Variants in RCOR1 observed in about 807,000 individuals in gnomAD.
RCOR1 encodes the protein REST corepressor.
In RCOR1, 12 loss-of-function variants were observed where a neutral mutation model predicts 64.0. The ratio of observed to expected loss-of-function variants is 0.19; its 90% CI spans 0.12 to 0.30. RCOR1 has a LOEUF of 0.30. Ranked by LOEUF, RCOR1 falls within the 10% of genes least tolerant of loss-of-function variation. The pLI is 1.00. For missense variants in RCOR1, 502 were observed against 621.2 expected (o/e 0.81, Z 2.04); for synonymous variants, 279 against 227.2 (o/e 1.23, Z -2.05).
chr14:102,712,452 A>G (rs939843057), intron 7 of RCOR1, among the ~76,000 whole-genome samples: 56 of 152,036 alleles, frequency 3.7e-4, no homozygotes, highest in African/African-American at 1.9e-4. Flanking sequence ...ACGTAGCTAT[A>G]TATTATTCTG....
chr14:102,655,196 A>T (rs1343318361), intron 2 of RCOR1: 1 of 947,046 alleles, frequency 1.1e-6, no homozygotes. Flanking sequence ...AAATTAAAAG[A>T]TGCAAAAGGG....
chr14:102,630,689 C>T (rs764226142), intron 2 of RCOR1, among the ~76,000 whole-genome samples: 2 of 152,172 alleles, frequency 1.3e-5, no homozygotes, highest in African/African-American at 2.4e-5. Context: ...ACTGTCACCA[C>T]GAAGGAGCTT....
chr14:102,673,527 G>A (rs1895073656), intron 2 of RCOR1, among the ~76,000 whole-genome samples: 1 of 151,794 alleles, frequency 6.6e-6, no homozygotes, highest in Non-Finnish European at 1.5e-5. Context: ...AGTAGAGACG[G>A]GGTTTCACTG....
chr14:102,653,747 C>T (rs927455025), intron 2 of RCOR1, among the ~76,000 whole-genome samples: 1 of 151,924 alleles, frequency 6.6e-6, no homozygotes. Context: ...CCTCCTCTGG[C>T]CATGTTATAT....
rs1896284057 is a variant in RCOR1 at position 102,727,182 on chromosome 14, T to C, written c.*676T>C. On this transcript the variant is annotated 3_prime_UTR_variant, in exon 12 of 12. Transcript: ENST00000262241. ...AAAGATCATTTACTGCAACTGTCGT[T>C]GGACACTGTAGCTTAAAGGGAACGT... The C allele has an allele frequency of 1.3e-5, 2 of 152,218 alleles. No homozygotes were observed. Among genetic ancestry groups the C allele is most frequent in the African/African-American group, 2.4e-5 (1 of 41,426 alleles). The allele number at this position is 152,218 out of a possible 1,614,324, so 9.4% of individuals were successfully genotyped here. A position where few individuals can be genotyped will look rare whatever the true frequency, so the allele number is the denominator to read the frequency against.
intron 2 of RCOR1, among the ~76,000 whole-genome samples, chr14:102,653,740 C>T (rs1894642762): frequency 1.3e-5 from 2 of 151,944 alleles, no homozygotes; most frequent in Admixed American, 1.3e-4. Context: ...TCTTGCTCCT[C>T]CTCTGGCCAT....
At chr14:102,680,346 C>T (rs1895278845) in intron 2 of RCOR1, among the ~76,000 whole-genome samples, 1 of 152,030 alleles carries the variant, frequency 6.6e-6, no homozygotes, top group Non-Finnish European at 1.5e-5. Flanking sequence ...CTGTGGATGC[C>T]TTTATTTTTG....
intron 2 of RCOR1, among the ~76,000 whole-genome samples, chr14:102,654,093 C>G (rs1894671615): frequency 6.7e-6 from 1 of 149,066 alleles, no homozygotes; most frequent in Non-Finnish European, 1.5e-5. Flanking sequence ...TCACGCCATT[C>G]TCCTGCCTCA....
chr14:102,693,157 TGAAAA>T (rs1278554591), intron 3 of RCOR1, among the ~76,000 whole-genome samples: 3 of 152,154 alleles, frequency 2.0e-5, no homozygotes, highest in Non-Finnish European at 2.9e-5. Flanking sequence ...TCTCCCCAGT[TGAAAA>T]GAAAGCCCTC....
At chr14:102,671,133 GT>G (rs1234925353) in intron 2 of RCOR1, among the ~76,000 whole-genome samples, 1 of 152,212 alleles carries the variant, frequency 6.6e-6, no homozygotes. Context: ...AGTTCTCATT[GT>G]TTTCGCTTCC....
chr14:102,669,892 A>G (rs1595221635), intron 2 of RCOR1, among the ~76,000 whole-genome samples: 1 of 152,196 alleles, frequency 6.6e-6, no homozygotes, highest in Admixed American at 6.5e-5. Flanking sequence ...AAATTTACTC[A>G]TGCGTAGCAT....
Position 102,728,143 on chromosome 14 carries a change from C to T in RCOR1, c.*1637C>T, listed in dbSNP as rs911836321. On this transcript the variant is annotated 3_prime_UTR_variant, in exon 12 of 12. Transcript: ENST00000262241. Reference sequence around the variant, plus strand: ...ATTTTCTCTTTAGAAAGAGGGTCAGCTAGAAACCTAGGTTTTTTGGAATTG... The same window carrying T: ...ATTTTCTCTTTAGAAAGAGGGTCAGTTAGAAACCTAGGTTTTTTGGAATTG... 12 of 152,452 alleles carry T rather than the reference C, an allele frequency of 7.9e-5. No individual in the cohort carries two copies. The highest frequency in any genetic ancestry group is 7.9e-4 in the Admixed American group (12 of 15,262). The allele number at this position is 152,452 out of a possible 1,614,324, so 9.4% of individuals were successfully genotyped here.
Position 102,708,529 on chromosome 14 carries a change from A to G in RCOR1, c.725A>G (p.Lys242Arg), listed in dbSNP as rs752611189. Residue 242 changes from lysine (K) to arginine (R), a missense_variant, in exon 6 of 12, where the codon AAA becomes AGA. Coordinates refer to ENST00000262241, the MANE Select transcript of RCOR1 (RefSeq NM_015156.4). ...TATTCTTGGAAGAAGACGAGGACTA[A>G]AACTAGTGTGATGGATCGCCATGCC... is the stretch of plus-strand genomic sequence containing the variant. ...FYYSWKKTRT[K>R]TSVMDRHARK... 1 of 1,613,084 alleles carries G rather than the reference A, an allele frequency of 6.2e-7. No individual in the cohort carries two copies. The highest frequency in any genetic ancestry group is 2.2e-5 in the East Asian group (1 of 44,850).
intron 2 of RCOR1, among the ~76,000 whole-genome samples, chr14:102,650,119 AC>A (rs1894554575): frequency 6.6e-6 from 1 of 150,468 alleles, no homozygotes; most frequent in East Asian, 2.0e-4. Context: ...AATGGTGTGA[AC>A]CTGGGAGGTG....
At chr14:102,648,171 C>T (rs1192376085) in intron 2 of RCOR1, among the ~76,000 whole-genome samples, 1 of 152,102 alleles carries the variant, frequency 6.6e-6, no homozygotes, top group Non-Finnish European at 1.5e-5. Flanking sequence ...CCCCGCCTCC[C>T]GGGTTCAGAC....
At chr14:102,593,473 G>T in intron 2 of RCOR1, 148 bp downstream of exon 2, 2 of 888,970 alleles carry the variant, frequency 2.2e-6, no homozygotes, top group South Asian at 4.1e-5. Flanking sequence ...CGAGGACGAG[G>T]AGGCGCACAC....
intron 2 of RCOR1, among the ~76,000 whole-genome samples, chr14:102,593,643 G>A (rs1024055979): frequency 6.6e-6 from 1 of 152,182 alleles, no homozygotes; most frequent in South Asian, 2.1e-4. Flanking sequence ...GCGTCCAGGT[G>A]AGCTGCGCCT....
At chr14:102,723,416 AG>A (rs1896201009) in intron 11 of RCOR1, among the ~76,000 whole-genome samples, 1 of 152,164 alleles carries the variant, frequency 6.6e-6, no homozygotes, top group Non-Finnish European at 1.5e-5. Flanking sequence ...TGCTGACTGG[AG>A]AAAGGACCTC....
At chr14:102,708,317 G>T in intron 5 of RCOR1, 148 bp from the exon 6 acceptor site, 2 of 556,672 alleles carry the variant, frequency 3.6e-6, no homozygotes, top group Non-Finnish European at 6.6e-6. Context: ...AGCCAGGATG[G>T]TCTCCATCTC....
Sources: gnomAD v4.1 joint callset for allele counts (sites outside exome capture counted in the v4.1 genomes callset) on GRCh38, gnomAD v4.1.1 for gene constraint, MANE v1.5 for transcripts, NCBI Gene and HGNC (gene_info 2026-07-23, HGNC 2026-07-21) for gene names.